The following SYCP2 variants were observed in gnomAD, a reference collection of about 807,000 sequenced individuals.
The protein encoded by SYCP2 is synaptonemal complex protein 2.
SYCP2 carries 55 observed loss-of-function variants against 211.3 expected under a neutral mutation model. That is an observed-to-expected ratio of 0.26 (90% CI 0.21 to 0.33). SYCP2 has a LOEUF of 0.33. Among genes scored for constraint, SYCP2 ranks in the 10% least tolerant of loss-of-function variants. The pLI is 1.00. For synonymous variants in SYCP2, 570 were observed against 555.2 expected, an observed-to-expected ratio of 1.03 and a Z score of -0.37; for missense variants, 1,731 against 1,752.0, an observed-to-expected ratio of 0.99 and a Z score of 0.21.
rs769675463 is a variant in SYCP2 at position 59,865,602 on chromosome 20, C to T, written c.4429G>A (p.Asp1477Asn). 6.2e-7 allele frequency: 1 copy of T among 1,604,162 alleles called. No homozygotes were observed. The highest frequency in any genetic ancestry group is 8.5e-7 in the Non-Finnish European group (1 of 1,176,320). Residue 1477 changes from aspartate (D) to asparagine (N), a missense_variant, in exon 43 of 45, where the codon GAT (aspartate) becomes AAT (asparagine). Transcript: ENST00000357552. Reference sequence around the variant, plus strand: ...GATGTAAAAACAGTTTCTTCACTATCAGTATTACAGAAGACACTTTTAGCC... The same window carrying T: ...GATGTAAAAACAGTTTCTTCACTATTAGTATTACAGAAGACACTTTTAGCC... ...SLAKSVFCNT[D>N]SEETVFTSEM...
intron 24 of SYCP2, among the ~76,000 whole-genome samples, chr20:59,891,365 TG>T (rs1488904051): frequency 4.6e-5 from 7 of 152,014 alleles, no homozygotes; most frequent in African/African-American, 1.7e-4. Context: ...TTTTCTTCCC[TG>T]GAAGTCTGGT....
chr20:59,900,882 C>A, intron 16 of SYCP2, 64 bp from the exon 17 acceptor site: 2 of 1,154,322 alleles, frequency 1.7e-6, no homozygotes, highest in Non-Finnish European at 1.3e-6. Flanking sequence ...TTTCATATGT[C>A]ATTTTATTTC....
At chr20:59,865,289 C>T in intron 44 of SYCP2, 99 bp downstream of exon 44, 2 of 945,440 alleles carry the variant, frequency 2.1e-6, no homozygotes, top group Admixed American at 2.5e-5. Flanking sequence ...TTCTCTCAAC[C>T]CAAAAGAAAA....
chr20:59,883,791 C>T (rs535164020), intron 26 of SYCP2, among the ~76,000 whole-genome samples: 6 of 151,924 alleles, frequency 3.9e-5, no homozygotes, highest in Non-Finnish European at 8.8e-5. Context: ...AACATGAGGA[C>T]TATTAATAGT....
At chr20:59,866,630 A>G (rs1035528701) in intron 39 of SYCP2, 41 bp from the exon 40 acceptor site, 17 of 1,364,482 alleles carry the variant, frequency 1.2e-5, no homozygotes, top group South Asian at 7.5e-5. Flanking sequence ...TCTTTACAAA[A>G]TAACACTCTA....
At chr20:59,930,314 T>A (rs965066571) in intron 2 of SYCP2, among the ~76,000 whole-genome samples, 2 of 152,172 alleles carry the variant, frequency 1.3e-5, no homozygotes, top group African/African-American at 2.4e-5. Context: ...CACAATTGAA[T>A]ACAGAGAAGG....
intron 33 of SYCP2, among the ~76,000 whole-genome samples, chr20:59,876,435 C>CTTCTT (rs2059562136): frequency 8.7e-6 from 1 of 114,934 alleles, no homozygotes; most frequent in African/African-American, 3.2e-5. Flanking sequence ...AAAATGTAGA[C>CTTCTT]CTAAGTTAGG....
intron 3 of SYCP2, among the ~76,000 whole-genome samples, chr20:59,921,828 G>T (rs6064861): frequency 0.12 from 18,275 of 151,242 alleles, 2,544 homozygotes; most frequent in African/African-American, 0.34. Flanking sequence ...TAACGGGGTT[G>T]AAATAGTAAA....
intron 4 of SYCP2, among the ~76,000 whole-genome samples, chr20:59,920,825 C>A (rs1568983246): frequency 6.6e-6 from 1 of 151,532 alleles, no homozygotes; most frequent in East Asian, 1.9e-4. Flanking sequence ...TTCTTGGATT[C>A]ATAATGAATC....
Position 59,907,590 on chromosome 20 carries a change from CAT to C in SYCP2, c.973-168_973-167del, listed in dbSNP as rs529230384. On this transcript the variant is annotated intron_variant, in intron 14 of 44. Coordinates refer to ENST00000357552, the MANE Select transcript of SYCP2 (RefSeq NM_014258.4). ...CTCCACCAATTAACTACATATTACA[CAT>C]GTTATATTTAATGTATTTGTTCATT... is the stretch of plus-strand genomic sequence containing the variant. 1.9e-3 allele frequency among the ~76,000 whole-genome samples: 287 copies of C among 152,222 alleles called. 4 individuals carry two copies. The Middle Eastern group carries it at 0.031, about 16-fold the overall frequency.
chr20:59,912,681 T>C (rs1234898205), intron 12 of SYCP2, among the ~76,000 whole-genome samples: 1 of 152,202 alleles, frequency 6.6e-6, no homozygotes, highest in African/African-American at 2.4e-5. Flanking sequence ...GTGTGTGATA[T>C]GGTTTGGTTC....
chr20:59,875,469 C>G lies in SYCP2; in HGVS notation c.3151G>C (p.Glu1051Gln). Residue 1051 changes from glutamate to glutamine, a missense_variant and splice_region_variant, in exon 34 of 45, where the codon GAG (glutamate) becomes CAG (glutamine). Physicochemically the swap from Glu to Gln is conservative, Grantham distance 29 (BLOSUM62 2). This residue lies in a region of SYCP2 where 1,387 missense variants were observed against 1,351.3 expected (regional missense o/e 1.03). Coordinates refer to ENST00000357552, the MANE Select transcript of SYCP2 (RefSeq NM_014258.4). ...TTCATTCTGGAATGGATATTCTCCTCCTAAATGTATCAATAACTTTCAAAT... is the reference window on the plus strand; with the variant it reads ...TTCATTCTGGAATGGATATTCTCCTGCTAAATGTATCAATAACTTTCAAAT... ...HSFKENIPVK[E>Q]ENIHSRMKTV... The G allele has an allele frequency of 1.2e-6, 2 of 1,603,294 alleles. No homozygotes were observed. Among genetic ancestry groups the G allele is most frequent in the South Asian group, 2.2e-5 (2 of 89,274 alleles).
intron 2 of SYCP2, among the ~76,000 whole-genome samples, chr20:59,925,896 CTGCTT>C (rs1216786540): frequency 1.3e-5 from 2 of 151,976 alleles, no homozygotes; most frequent in Admixed American, 6.6e-5. Context: ...ACAATACTGC[CTGCTT>C]TAAAACCTCA....
Position 59,877,385 on chromosome 20 carries a change from C to T in SYCP2, c.3150G>A (p.Lys1050=). The T allele has an allele frequency of 6.4e-7, 1 of 1,560,862 alleles. No individual in the cohort carries two copies. Among genetic ancestry groups the T allele is most frequent in the Non-Finnish European group, 8.6e-7 (1 of 1,162,718 alleles). Residue 1050 remains lysine, a splice_region_variant and synonymous_variant, in exon 33 of 45, where the codon AAG becomes AAA. Transcript: ENST00000357552. ...SHSFKENIPV[K]EENIHSRMKT... ...ATTAATCTGAACTGTATCTATTTAC[C>T]TTTACTGGTATGTTCTCTTTAAATG...
At chr20:59,870,840 A>G (rs1413144608) in intron 35 of SYCP2, among the ~76,000 whole-genome samples, 1 of 151,874 alleles carries the variant, frequency 6.6e-6, no homozygotes, top group Non-Finnish European at 1.5e-5. Flanking sequence ...GCCTATGACT[A>G]AATTAAGACT....
chr20:59,906,809 C>G (rs1568962176), intron 15 of SYCP2, among the ~76,000 whole-genome samples: 3 of 151,378 alleles, frequency 2.0e-5, no homozygotes, highest in Admixed American at 6.6e-5. Flanking sequence ...TACCTAAGAA[C>G]TAGATAGTCC....
chr20:59,915,947 G>A (rs2060432078), intron 8 of SYCP2, among the ~76,000 whole-genome samples: 1 of 152,064 alleles, frequency 6.6e-6, no homozygotes, highest in South Asian at 2.1e-4. Context: ...AGCTGAGATT[G>A]CGCCACTGCA....
chr20:59,889,398 T>A (rs1417517736), intron 24 of SYCP2, among the ~76,000 whole-genome samples: 12 of 151,542 alleles, frequency 7.9e-5, no homozygotes, highest in Non-Finnish European at 8.8e-5. Context: ...TGATTTTTTT[T>A]AAAAGTAAAA....
intron 1 of SYCP2, among the ~76,000 whole-genome samples, chr20:59,932,536 G>A (rs1363863423): frequency 5.3e-5 from 8 of 152,230 alleles, no homozygotes; most frequent in Non-Finnish European, 1.0e-4. Flanking sequence ...TTAGCTGGGC[G>A]TGGTGGCGCG....
Sources: gnomAD v4.1 joint callset for allele counts (sites outside exome capture counted in the v4.1 genomes callset) on GRCh38, gnomAD v4.1.1 for gene constraint, gnomAD v4.1.1 regional missense constraint, MANE v1.5 for transcripts, NCBI Gene and HGNC (gene_info 2026-07-23, HGNC 2026-07-21) for gene names.